Variants in MPHOSPH10 observed in about 807,000 individuals in gnomAD.
MPHOSPH10 encodes the protein M-phase phosphoprotein 10, also known as U3 small nucleolar ribonucleoprotein MPP10.
A neutral mutation model predicts 77.3 loss-of-function variants in MPHOSPH10; 33 were observed. The ratio of observed to expected loss-of-function variants is 0.43; its 90% CI spans 0.32 to 0.57. The LOEUF (loss-of-function observed/expected upper bound fraction) is 0.57. MPHOSPH10 is among the 20% of genes least tolerant of loss of function. The pLI is 0.07. For synonymous variants in MPHOSPH10, 245 were observed against 268.0 expected (o/e 0.91, Z 0.84); for missense variants, 708 against 780.1 (o/e 0.91, Z 1.10).
intron 7 of MPHOSPH10, 136 bp downstream of exon 7, chr2:71,141,505 T>C (rs896491975): frequency 2.9e-6 from 2 of 686,698 alleles, no homozygotes; most frequent in Admixed American, 6.6e-5. Flanking sequence ...AGACAGAGCA[T>C]GCTAGGAATA....
intron 7 of MPHOSPH10, among the ~76,000 whole-genome samples, chr2:71,142,852 C>A (rs1254217805): frequency 6.6e-6 from 1 of 152,142 alleles, no homozygotes; most frequent in African/African-American, 2.4e-5. Context: ...AAGAGCCTAT[C>A]GTTTCCTAGT....
intron 4 of MPHOSPH10, among the ~76,000 whole-genome samples, chr2:71,136,822 A>G (rs1363077566): frequency 6.6e-6 from 1 of 150,730 alleles, no homozygotes; most frequent in African/African-American, 2.4e-5. Flanking sequence ...ATTTCCACAT[A>G]TAAAGAATAA....
chr2:71,136,519 A>C (rs1397747102), intron 4 of MPHOSPH10, among the ~76,000 whole-genome samples: 6 of 152,172 alleles, frequency 3.9e-5, no homozygotes, highest in African/African-American at 1.4e-4. Context: ...TGTCTGAAAA[A>C]ATTAAAAAAA....
chr2:71,131,952 C>A (rs767162987), intron 1 of MPHOSPH10, among the ~76,000 whole-genome samples: 12 of 152,194 alleles, frequency 7.9e-5, no homozygotes, highest in Non-Finnish European at 1.8e-4. Flanking sequence ...AATGGCTGAG[C>A]TTCAGCTCAG....
chr2:71,143,340 C>T (rs1450694946), intron 7 of MPHOSPH10, among the ~76,000 whole-genome samples: 5 of 151,948 alleles, frequency 3.3e-5, no homozygotes, highest in African/African-American at 1.2e-4. Flanking sequence ...ATTATGTTAG[C>T]CAGGATGGTC....
rs750172726 is a variant in MPHOSPH10 at position 71,134,061 on chromosome 2, T to A, written c.882T>A (p.Asp294Glu). 1.9e-6 allele frequency: 3 copies of A among 1,609,906 alleles called. No individual in the cohort carries two copies. Among genetic ancestry groups the A allele is most frequent in the Non-Finnish European group, 2.5e-6 (3 of 1,177,960 alleles). The change falls in exon 3 of 11, where the codon GAT (aspartate) becomes GAA (glutamate). Residue 294 changes from aspartate (D) to glutamate (E), a missense_variant. This residue lies in a region of MPHOSPH10 where 433 missense variants were observed against 432.6 expected (regional missense o/e 1.00). Transcript: ENST00000244230. ...AGCTGGATTCAAACAAAGAAGATGA[T>A]GAAATTGCTGAAGAAGAAGCAGAAG... ...DDELDSNKED[D>E]EIAEEEAEEL...
At chr2:71,142,079 C>T (rs1673625375) in intron 7 of MPHOSPH10, among the ~76,000 whole-genome samples, 1 of 152,112 alleles carries the variant, frequency 6.6e-6, no homozygotes, top group Non-Finnish European at 1.5e-5. Flanking sequence ...AATAATAGGA[C>T]AAGGTCCTAT....
At chr2:71,146,180 A>G (rs985454298) in intron 8 of MPHOSPH10, among the ~76,000 whole-genome samples, 2 of 152,206 alleles carry the variant, frequency 1.3e-5, no homozygotes, top group Non-Finnish European at 2.9e-5. Context: ...ATATGTGTCT[A>G]TGTGCCCAAA....
At chr2:71,148,876 G>A in intron 9 of MPHOSPH10, 1 of 277,748 alleles carries the variant, frequency 3.6e-6, no homozygotes, top group Non-Finnish European at 6.8e-6. Flanking sequence ...AGCTGAGGCT[G>A]CCTCTGGCAT....
chr2:71,149,484 G>A (rs751532014), intron 10 of MPHOSPH10, 31 bp downstream of exon 10: 4 of 1,583,996 alleles, frequency 2.5e-6, no homozygotes, highest in African/African-American at 1.4e-5. Flanking sequence ...ACTGCTCAAG[G>A]GGACCTTTGT....
In MPHOSPH10 at chr2:71,144,466, A is replaced by G; in HGVS notation, c.1485A>G (p.Glu495=). Residue 495 remains glutamate (E), a synonymous_variant, in exon 8 of 11, where the codon GAA becomes GAG. Coordinates refer to ENST00000244230, the MANE Select transcript of MPHOSPH10 (RefSeq NM_005791.3). ...AAGAAGAAAATCCAGAACATGTAGA[A>G]ATTCAGAAGATGATGGATTCCCTCT... ...TAEEENPEHV[E]IQKMMDSLFL... 1 of 1,614,124 alleles carries G rather than the reference A, an allele frequency of 6.2e-7. No homozygotes were observed. The highest frequency in any genetic ancestry group is 1.1e-5 in the South Asian group (1 of 91,056).
chr2:71,148,229 T>C, intron 9 of MPHOSPH10, 123 bp downstream of exon 9: 1 of 797,888 alleles, frequency 1.3e-6, no homozygotes, highest in Non-Finnish European at 2.1e-6. Context: ...TCTCAGCAGT[T>C]TCTAAGTATA....
rs750262268 is a variant in MPHOSPH10, at chr2:71,141,385, A to G, written c.1446+16A>G. On this transcript the variant is annotated intron_variant, in intron 7 of 10. Coordinates refer to ENST00000244230, the MANE Select transcript of MPHOSPH10 (RefSeq NM_005791.3). ...ACTCAACCAGGTGAGGAAGCCTGTAAGGCCAAGCCATTATTATTAAAGAAA... is the reference window on the plus strand; with the variant it reads ...ACTCAACCAGGTGAGGAAGCCTGTAGGGCCAAGCCATTATTATTAAAGAAA... 6.8e-7 allele frequency: 1 copy of G among 1,473,850 alleles called. No homozygotes were observed. Among genetic ancestry groups the G allele is most frequent in the South Asian group, 1.5e-5 (1 of 66,406 alleles). The allele number at this position is 1,473,850 out of a possible 1,614,324, so 91.3% of individuals were successfully genotyped here.
intron 8 of MPHOSPH10, 36 bp from the exon 9 acceptor site, chr2:71,147,963 T>A: frequency 6.5e-7 from 1 of 1,546,354 alleles, no homozygotes; most frequent in Non-Finnish European, 8.9e-7. Flanking sequence ...TAGAGTCCCT[T>A]CTGGCTTCCC....
At chr2:71,137,619 A>C (rs554037851) in intron 4 of MPHOSPH10, among the ~76,000 whole-genome samples, 1 of 148,138 alleles carries the variant, frequency 6.8e-6, no homozygotes, top group South Asian at 2.1e-4. Context: ...AGATCACGCA[A>C]CTGCTCTCCA....
chr2:71,147,455 C>T (rs1260230443), intron 8 of MPHOSPH10, among the ~76,000 whole-genome samples: 2 of 152,034 alleles, frequency 1.3e-5, no homozygotes, highest in African/African-American at 4.8e-5. Flanking sequence ...GGGCAGATCA[C>T]GAGGTCAGGA....
chr2:71,130,818 C>A, intron 1 of MPHOSPH10, 64 bp downstream of exon 1: 1 of 1,482,052 alleles, frequency 6.7e-7, no homozygotes, highest in Non-Finnish European at 9.2e-7. Flanking sequence ...GGTTGCAGGC[C>A]TCCGGCAAAT....
chr2:71,134,233 C>A, intron 3 of MPHOSPH10, 128 bp downstream of exon 3: 3 of 931,480 alleles, frequency 3.2e-6, no homozygotes, highest in Non-Finnish European at 4.6e-6. Context: ...CTCAAGATAG[C>A]CAGAGGAAAG....
At chr2:71,141,516 G>C in intron 7 of MPHOSPH10, 147 bp downstream of exon 7, 1 of 641,764 alleles carries the variant, frequency 1.6e-6, no homozygotes, top group Admixed American at 3.5e-5. Flanking sequence ...GCTAGGAATA[G>C]AAGGGTTCTA....
Sources: gnomAD v4.1 joint callset for allele counts (sites outside exome capture counted in the v4.1 genomes callset) on GRCh38, gnomAD v4.1.1 for gene constraint, gnomAD v4.1.1 regional missense constraint, MANE v1.5 for transcripts, NCBI Gene and HGNC (gene_info 2026-07-23, HGNC 2026-07-21) for gene names.